ZFPM2: variants seen among roughly 807,000 people sequenced by gnomAD.
The protein encoded by ZFPM2 is zinc finger protein ZFPM2.
In ZFPM2, 20 loss-of-function variants were observed where a neutral mutation model predicts 98.6. The observed-to-expected ratio is 0.20, with a 90% CI of 0.14 to 0.29. The LOEUF (loss-of-function observed/expected upper bound fraction) is 0.29. Ranked by LOEUF, ZFPM2 falls within the 10% of genes least tolerant of loss-of-function variation. The probability of loss-of-function intolerance (pLI) is 1.00; values close to 1 mark genes in which losing one functional copy is unlikely to be tolerated. For synonymous variants in ZFPM2, 518 were observed against 502.7 expected (o/e 1.03, Z -0.41); for missense variants, 1,310 against 1,388.6 (o/e 0.94, Z 0.90).
chr8:105,785,570 T>C (rs1174720927), intron 5 of ZFPM2, among the ~76,000 whole-genome samples: 2 of 152,162 alleles, frequency 1.3e-5, no homozygotes, highest in African/African-American at 2.4e-5. Context: ...AGGATTAAAA[T>C]AGATGAATTA....
intron 3 of ZFPM2, among the ~76,000 whole-genome samples, chr8:105,457,676 G>A (rs1199174403): frequency 4.6e-5 from 7 of 152,206 alleles, no homozygotes; most frequent in Non-Finnish European, 1.0e-4. Flanking sequence ...GTTACTCATA[G>A]ATAGAAAATG....
chr8:105,597,770 G>T (rs1436549896), intron 4 of ZFPM2, among the ~76,000 whole-genome samples: 2 of 152,050 alleles, frequency 1.3e-5, no homozygotes, highest in East Asian at 3.9e-4. Context: ...GTTTTAAATG[G>T]TCTCCTATTT....
intron 5 of ZFPM2, among the ~76,000 whole-genome samples, chr8:105,667,506 G>A (rs1158064842): frequency 2.0e-5 from 3 of 152,310 alleles, no homozygotes; most frequent in East Asian, 3.9e-4. Context: ...GTGTCAGATT[G>A]CACACTGCAA....
At chr8:105,623,075 C>A (rs1816584970) in intron 4 of ZFPM2, among the ~76,000 whole-genome samples, 1 of 152,144 alleles carries the variant, frequency 6.6e-6, no homozygotes, top group South Asian at 2.1e-4. Context: ...TATAATATTT[C>A]TGTTACTAAA....
intron 5 of ZFPM2, among the ~76,000 whole-genome samples, chr8:105,642,691 T>C (rs1466087317): frequency 6.6e-6 from 1 of 152,176 alleles, no homozygotes; most frequent in Admixed American, 6.6e-5. Context: ...CCAGGTGTCA[T>C]GAGGAGTACA....
intron 1 of ZFPM2, among the ~76,000 whole-genome samples, chr8:105,391,276 A>C (rs1415721523): frequency 1.3e-5 from 2 of 152,236 alleles, no homozygotes; most frequent in Non-Finnish European, 2.9e-5. Flanking sequence ...ATGAATAAAT[A>C]GTGCATATAC....
At chr8:105,443,541 G>A (rs1393111339) in intron 2 of ZFPM2, among the ~76,000 whole-genome samples, 1 of 151,830 alleles carries the variant, frequency 6.6e-6, no homozygotes, top group African/African-American at 2.4e-5. Context: ...TAAAATGAAG[G>A]TACTCATTAA....
At chr8:105,670,830 A>C (rs1563514471) in intron 5 of ZFPM2, among the ~76,000 whole-genome samples, 2 of 152,208 alleles carry the variant, frequency 1.3e-5, no homozygotes, top group African/African-American at 4.8e-5. Context: ...TAGCATTTTC[A>C]AATATATTAG....
chr8:105,507,128 G>A (rs1487024643), intron 3 of ZFPM2, among the ~76,000 whole-genome samples: 1 of 152,092 alleles, frequency 6.6e-6, no homozygotes, highest in African/African-American at 2.4e-5. Context: ...CAAATGTTTT[G>A]TTATTAATAA....
chr8:105,371,467 T>G (rs1442182667), intron 1 of ZFPM2, among the ~76,000 whole-genome samples: 1 of 152,146 alleles, frequency 6.6e-6, no homozygotes, highest in Non-Finnish European at 1.5e-5. Context: ...AGGAAGAGTT[T>G]GTAAACTTAG....
intron 3 of ZFPM2, among the ~76,000 whole-genome samples, chr8:105,445,073 T>C (rs777219648): frequency 1.3e-5 from 2 of 152,188 alleles, no homozygotes; most frequent in Non-Finnish European, 2.9e-5. Flanking sequence ...GGTTTAAGAA[T>C]ATAAGTGAGT....
chr8:105,551,340 G>T (rs1034755197), intron 3 of ZFPM2, among the ~76,000 whole-genome samples: 1 of 152,122 alleles, frequency 6.6e-6, no homozygotes, highest in African/African-American at 2.4e-5. Flanking sequence ...TGAACTCAAG[G>T]AATGAACTCA....
At chr8:105,649,365 C>G (rs1304918911) in intron 5 of ZFPM2, among the ~76,000 whole-genome samples, 1 of 152,076 alleles carries the variant, frequency 6.6e-6, no homozygotes. Context: ...ATTGAATACC[C>G]TTTATTTCTT....
chr8:105,391,397 A>G (rs1429037534), intron 1 of ZFPM2, among the ~76,000 whole-genome samples: 1 of 152,172 alleles, frequency 6.6e-6, no homozygotes, highest in Non-Finnish European at 1.5e-5. Flanking sequence ...GTGGCTGCTG[A>G]ATGTGGAGGT....
intron 5 of ZFPM2, among the ~76,000 whole-genome samples, chr8:105,709,068 A>G (rs999068879): frequency 6.6e-6 from 1 of 152,162 alleles, no homozygotes; most frequent in Non-Finnish European, 1.5e-5. Context: ...ATTTTTTGGT[A>G]GTAGAGAAAG....
intron 5 of ZFPM2, among the ~76,000 whole-genome samples, chr8:105,771,459 C>G (rs1463940129): frequency 6.6e-6 from 1 of 152,110 alleles, no homozygotes; most frequent in Non-Finnish European, 1.5e-5. Context: ...GACAATATAT[C>G]TTTGTTAATC....
In ZFPM2 at chr8:105,801,459, A is replaced by C; in HGVS notation, c.1377A>C (p.Thr459=). 1 of 1,613,918 alleles carries C rather than the reference A, an allele frequency of 6.2e-7. No individual in the cohort carries two copies. The highest frequency in any genetic ancestry group is 8.5e-7 in the Non-Finnish European group (1 of 1,179,866). Residue 459 remains threonine, a synonymous_variant, in exon 8 of 8, where the codon ACA becomes ACC. Transcript: ENST00000407775. ...LTNQRPEIQP[T]TNKQSFSYTK... is the part of the protein sequence containing the mutation. ...ACCAGAGACCAGAGATACAGCCTAC[A>C]ACAAATAAACAAAGCTTTTCTTACA...
At chr8:105,342,410 A>G (rs1169592456) in intron 1 of ZFPM2, among the ~76,000 whole-genome samples, 1 of 152,048 alleles carries the variant, frequency 6.6e-6, no homozygotes, top group Non-Finnish European at 1.5e-5. Flanking sequence ...CCTTCTCTTG[A>G]TGGAAGGGCA....
intron 5 of ZFPM2, among the ~76,000 whole-genome samples, chr8:105,714,427 T>A: frequency 6.6e-6 from 1 of 152,094 alleles, no homozygotes. Context: ...ATAGTTTGAC[T>A]TTCTCCTATC....
Sources: allele counts gnomAD v4.1 joint callset (sites outside exome capture counted in the v4.1 genomes callset), GRCh38; gene constraint gnomAD v4.1.1; transcripts MANE v1.5; gene names NCBI Gene and HGNC (gene_info 2026-07-23, HGNC 2026-07-21).